MGAM: variants seen among roughly 807,000 people sequenced by gnomAD.
MGAM encodes the protein alpha-1,4-glucosidase.
Under a neutral mutation model 358.8 loss-of-function variants are expected in MGAM, and 253 were observed. That is an observed-to-expected ratio of 0.71 (90% CI 0.64 to 0.78). The LOEUF is 0.78. MGAM is among the 30% of genes least tolerant of loss of function. The pLI is 0.00. For synonymous variants in MGAM, 1,105 were observed against 1,227.1 expected (o/e 0.90, Z 2.08); for missense variants, 3,080 against 3,432.6 (o/e 0.90, Z 2.57).
chr7:142,047,865 A>C lies in MGAM; in HGVS notation c.2579A>C (p.Glu860Ala). Reference sequence around the variant, plus strand: ...GGAGAACTTTTCTGGGATAATGGGGAAACGAAGGGTGAGCACTTATACGAT... The same window carrying C: ...GGAGAACTTTTCTGGGATAATGGGGCAACGAAGGGTGAGCACTTATACGAT... The part of the protein sequence containing the change: ...AKGELFWDNG[E>A]TKDTVANKVY... Residue 860 changes from glutamate (E) to alanine (A), a missense_variant, in exon 22 of 71, where the codon GAA becomes GCA. Glu to Ala is a moderately radical substitution (Grantham distance 107, BLOSUM62 -1). Transcript: ENST00000475668. 1 of 1,602,634 alleles carries C rather than the reference A, an allele frequency of 6.2e-7. No individual in the cohort carries two copies. The highest frequency in any genetic ancestry group is 8.5e-7 in the Non-Finnish European group (1 of 1,170,068).
rs760008474 is a variant in MGAM, at chr7:142,054,902, C to T, written c.3308C>T (p.Thr1103Ile). 14 of 1,613,494 alleles carry T rather than the reference C, an allele frequency of 8.7e-6. No individual in the cohort carries two copies. The highest frequency in any genetic ancestry group is 6.7e-5 in the Admixed American group (4 of 59,952). The change falls in exon 27 of 71, where the codon ACT becomes ATT. Residue 1103 changes from threonine (T) to isoleucine (I), a missense_variant. Around this residue, in one of 5 missense-constraint regions of MGAM, gnomAD observed 1,816 missense variants for 1,840.5 expected, o/e 0.99. Transcript: ENST00000475668. ...GAAATTCGCCGGAAGAGTACAGGCACTATAATGTGAGTGGCTTCTAGTGTG... is the reference window on the plus strand; with the variant it reads ...GAAATTCGCCGGAAGAGTACAGGCATTATAATGTGAGTGGCTTCTAGTGTG... ...GIEIRRKSTG[T>I]IIWDSQLLGF...
At chr7:142,007,016 G>A (rs1396523426) in intron 2 of MGAM, among the ~76,000 whole-genome samples, 2 of 152,038 alleles carry the variant, frequency 1.3e-5, no homozygotes, top group East Asian at 3.9e-4. Context: ...CTTTTTGTGA[G>A]TATCAGTGAT....
rs558293494 is a variant in MGAM at position 142,027,649 on chromosome 7, G to A, written c.1135G>A (p.Gly379Arg). The change falls in exon 10 of 71, where the codon GGA becomes AGA. Residue 379 changes from glycine (G) to arginine (R), a missense_variant. Gly to Arg is a moderately radical substitution (Grantham distance 125, BLOSUM62 -2). Around this residue, in one of 5 missense-constraint regions of MGAM, gnomAD observed 1,816 missense variants for 1,840.5 expected, o/e 0.99. Coordinates refer to ENST00000475668, the MANE Select transcript of MGAM (RefSeq NM_001365693.1). ...AGCCCTTCCCTCCTACTGGGCGCTT[G>A]GATTTCACCTCAGTCGTTACGAATA... ...RPALPSYWAL[G>R]FHLSRYEYGT... 3.7e-5 allele frequency: 60 copies of A among 1,613,726 alleles called. No homozygotes were observed. Among genetic ancestry groups the A allele is most frequent in the Admixed American group, 1.3e-4 (8 of 60,000 alleles).
intron 12 of MGAM, 150 bp from the exon 13 acceptor site, chr7:142,031,530 T>G: frequency 1.8e-6 from 1 of 561,272 alleles, no homozygotes; most frequent in Non-Finnish European, 3.2e-6. Context: ...TTTTAAGTAT[T>G]GTGAGCACCG....
rs1411104520 is a variant in MGAM at position 142,045,119 on chromosome 7, A to G, written c.2499-2666A>G. 2.6e-3 allele frequency among the ~76,000 whole-genome samples: 255 copies of G among 98,492 alleles called. 21 individuals are homozygous for G. The highest frequency in any genetic ancestry group is 3.9e-3 in the Admixed American group (25 of 6,416). 64.6% of individuals were successfully genotyped at this position (98,492 alleles called of 152,430 possible). ...TGTATATTATATATACGTGCAATAT[A>G]TGATATATAATATGTATATTATATA... is the stretch of plus-strand genomic sequence containing the variant. On this transcript the variant is annotated intron_variant, in intron 21 of 70. Transcript: ENST00000475668.
intron 2 of MGAM, among the ~76,000 whole-genome samples, chr7:141,990,313 C>T (rs1277944737): frequency 2.6e-5 from 4 of 152,198 alleles, no homozygotes; most frequent in Non-Finnish European, 5.9e-5. Context: ...CACAACTTCA[C>T]TCCAAAGAAC....
Position 142,065,433 on chromosome 7 carries a change from C to G in MGAM, c.4583C>G (p.Thr1528Arg), listed in dbSNP as rs370790394. ...GCAGGACATTGGCTGGGAGACAACA[C>G]GGCCGCATGGGATCAGCTGAAGAAG... Reference protein sequence around the residue: ...RWAGHWLGDNTAAWDQLKKSI... With the variant: ...RWAGHWLGDNRAAWDQLKKSI... Residue 1528 changes from threonine (T) to arginine (R), a missense_variant, in exon 38 of 71, where the codon ACG (threonine) becomes AGG (arginine). Physicochemically the swap from Thr to Arg is moderately conservative, Grantham distance 71. This residue lies in a region of MGAM where 134 missense variants were observed against 198.4 expected (regional missense o/e 0.68). Transcript: ENST00000475668. 3 of 1,609,610 alleles carry G rather than the reference C, an allele frequency of 1.9e-6. No individual in the cohort carries two copies. The highest frequency in any genetic ancestry group is 1.7e-6 in the Non-Finnish European group (2 of 1,177,900).
At chr7:142,100,714 C>A in intron 67 of MGAM, 88 bp from the exon 68 acceptor site, 1 of 1,136,860 alleles carries the variant, frequency 8.8e-7, no homozygotes, top group Non-Finnish European at 1.3e-6. Flanking sequence ...AAAGCACTTC[C>A]CTTTGCTGCT....
rs188709971 is a variant in MGAM at position 142,053,814 on chromosome 7, A to G, written c.3159+830A>G. The stretch of plus-strand genomic sequence containing the variant: ...ATTCTGAGTTCTTGTTCATCCTCTA[A>G]TGCAGGGAAGAATCTCTTGTATGTT... On this transcript the variant is annotated intron_variant, in intron 26 of 70. Coordinates refer to ENST00000475668, the MANE Select transcript of MGAM (RefSeq NM_001365693.1). Among the ~76,000 whole-genome samples, 3 of 152,266 alleles carry G rather than the reference A, an allele frequency of 2.0e-5. No individual in the cohort carries two copies. In the East Asian group the frequency reaches 5.8e-4, roughly 29 times the overall value.
rs1290730611 is a variant in MGAM at position 142,050,679 on chromosome 7, G to T, written c.2638-18G>T. 6 of 1,609,278 alleles carry T rather than the reference G, an allele frequency of 3.7e-6. No homozygotes were observed. The South Asian group carries it at 6.6e-5, about 18-fold the overall frequency. Reference sequence around the variant, plus strand: ...ACTCATATACCTTTATGCATACTTGGACTTAATTGTTTTGCAGAACCGCTT... The same window carrying T: ...ACTCATATACCTTTATGCATACTTGTACTTAATTGTTTTGCAGAACCGCTT... On this transcript the variant is annotated intron_variant, in intron 23 of 70. Coordinates refer to ENST00000475668, the MANE Select transcript of MGAM (RefSeq NM_001365693.1).
intron 64 of MGAM, chr7:142,095,963 T>C: frequency 1.5e-6 from 1 of 653,714 alleles, no homozygotes; most frequent in Non-Finnish European, 2.5e-6. Flanking sequence ...CTAATTTGGC[T>C]GTGCAAAGGC....
chr7:142,058,250 G>A lies in MGAM; in HGVS notation c.3741G>A (p.Gln1247=), dbSNP rs191824845. 3.1e-6 allele frequency: 5 copies of A among 1,613,914 alleles called. No homozygotes were observed. The African/African-American group carries it at 6.7e-5, about 22-fold the overall frequency. ...TACCTTACTGGTCTTTGGGGTTCCA[G>A]CTGTGTCGCTATGGCTACCAGAATG... ...VMVPYWSLGF[Q]LCRYGYQNDS... is the part of the protein sequence containing the mutation. The change falls in exon 31 of 71, where the codon CAG becomes CAA. Residue 1247 remains glutamine, a synonymous_variant. Coordinates refer to ENST00000475668, the MANE Select transcript of MGAM (RefSeq NM_001365693.1).
intron 42 of MGAM, 79 bp from the exon 43 acceptor site, chr7:142,068,568 C>A (rs1813048783): frequency 8.8e-7 from 1 of 1,141,910 alleles, no homozygotes. Flanking sequence ...ACAATTATTT[C>A]ACCTCTTTCC....
intron 36 of MGAM, 48 bp from the exon 37 acceptor site, chr7:142,064,336 G>T (rs1812514041): frequency 1.9e-6 from 3 of 1,577,480 alleles, no homozygotes; most frequent in South Asian, 1.2e-5. Flanking sequence ...AAGTCAGGGA[G>T]AAACAGAATC....
At chr7:142,073,950 G>T (rs1174724777) in intron 44 of MGAM, 135 bp from the exon 45 acceptor site, 2 of 669,642 alleles carry the variant, frequency 3.0e-6, no homozygotes, top group African/African-American at 1.8e-5. Flanking sequence ...TGTCGATTTT[G>T]TGTTTGTACC....
At chr7:142,099,581 C>T (rs554468799) in intron 66 of MGAM, 32 bp from the exon 67 acceptor site, 29 of 1,613,704 alleles carry the variant, frequency 1.8e-5, no homozygotes, top group Admixed American at 3.3e-5. Context: ...CTGTCCTCTC[C>T]TTAGTCATCT....
At position 142,049,396 on chromosome 7, in the gene MGAM, A is replaced by G. The variant is rs117500792; in HGVS notation, c.2588-839A>G. Among the ~76,000 whole-genome samples, 268 of 152,316 alleles carry G rather than the reference A, an allele frequency of 1.8e-3. 1 individual carries two copies. Among genetic ancestry groups the G allele is most frequent in the Middle Eastern group, 0.014 (4 of 294 alleles). ...CTCCTTGACATTAGTCTTGGCAATG[A>G]CTTTTTGGATATGATACCAAAAGCA... On this transcript the variant is annotated intron_variant, in intron 22 of 70. Coordinates refer to ENST00000475668, the MANE Select transcript of MGAM (RefSeq NM_001365693.1).
In MGAM at chr7:142,050,750, A is replaced by G; in HGVS notation, c.2691A>G (p.Leu897=). ...SQSTYKDPNN[L]AFNEIKILGT... ...CAACCTACAAGGACCCCAATAATTT[A>G]GCATTTAATGAGATTAAAATTCTTG... Residue 897 remains leucine, a synonymous_variant, in exon 24 of 71, where the codon TTA becomes TTG. Coordinates refer to ENST00000475668, the MANE Select transcript of MGAM (RefSeq NM_001365693.1). The G allele has an allele frequency of 1.2e-6, 2 of 1,613,832 alleles. No individual in the cohort carries two copies. Among genetic ancestry groups the G allele is most frequent in the Non-Finnish European group, 1.7e-6 (2 of 1,179,760 alleles).
chr7:142,067,432 A>G lies in MGAM; in HGVS notation c.5004+7A>G, dbSNP rs777329934. ...CAGCCCTGTCCTGGAGCGCGTGAGT[A>G]TGGAGGCCTCCGATGAGGGGAGGAT... On this transcript the variant is annotated splice_region_variant and intron_variant, in intron 42 of 70. Coordinates refer to ENST00000475668, the MANE Select transcript of MGAM (RefSeq NM_001365693.1). 1.5e-5 allele frequency: 24 copies of G among 1,549,474 alleles called. 3 individuals carry two copies. Among genetic ancestry groups the G allele is most frequent in the Non-Finnish European group, 2.0e-5 (23 of 1,127,782 alleles).
Sources: gnomAD v4.1 joint callset for allele counts (sites outside exome capture counted in the v4.1 genomes callset) on GRCh38, gnomAD v4.1.1 for gene constraint, gnomAD v4.1.1 regional missense constraint, MANE v1.5 for transcripts, NCBI Gene and HGNC (gene_info 2026-07-23, HGNC 2026-07-21) for gene names.